The following PRMT2 variants were observed in gnomAD, a reference collection of about 807,000 sequenced individuals.
PRMT2 encodes protein arginine N-methyltransferase 2.
Under a neutral mutation model 57.6 loss-of-function variants are expected in PRMT2, and 26 were observed. The ratio of observed to expected loss-of-function variants is 0.45; its 90% CI spans 0.33 to 0.63. The LOEUF (loss-of-function observed/expected upper bound fraction) is 0.63, where lower values mean the gene tolerates loss of function less well. Ranked by LOEUF, PRMT2 falls within the 20% of genes least tolerant of loss-of-function variation. The pLI, the probability that PRMT2 is intolerant of heterozygous loss-of-function variation, is 0.02. For missense variants in PRMT2, 472 were observed against 564.4 expected, an observed-to-expected ratio of 0.84 and a Z score of 1.66; for synonymous variants, 219 against 220.0, an observed-to-expected ratio of 1.00 and a Z score of 0.04.
intron 7 of PRMT2, chr21:46,652,214 G>T: frequency 7.3e-7 from 1 of 1,368,628 alleles, no homozygotes; most frequent in Non-Finnish European, 9.4e-7. Context: ...AAGAAAAGGA[G>T]GAAACAAAAA....
rs199967510 is a variant in PRMT2 at position 46,663,371 on chromosome 21, C to A, written c.1098-12C>A. 1 of 1,605,770 alleles carries A rather than the reference C, an allele frequency of 6.2e-7. No homozygotes were observed. Among genetic ancestry groups the A allele is most frequent in the East Asian group, 2.2e-5 (1 of 44,642 alleles). On this transcript the variant is annotated splice_polypyrimidine_tract_variant and intron_variant, in intron 10 of 11. Transcript: ENST00000355680. ...GCTCAGCCTCCAGGTCACACGCACC[C>A]CTGTCTTGCAGCACCACACACTGGA... is the stretch of plus-strand genomic sequence containing the variant.
intron 3 of PRMT2, among the ~76,000 whole-genome samples, chr21:46,639,689 AGTGT>A (rs764502507): frequency 2.6e-4 from 38 of 146,408 alleles, no homozygotes; most frequent in Middle Eastern, 3.6e-3. Flanking sequence ...GCTTACATAA[AGTGT>A]GTGTGTGTGT....
At position 46,660,246 on chromosome 21, in the gene PRMT2, T is replaced by TG. The variant is rs1341661168; in HGVS notation, c.831-586dup. 3 of 829,732 alleles carry TG rather than the reference T, an allele frequency of 3.6e-6. No individual in the cohort carries two copies. The Admixed American group carries it at 1.9e-4, about 52-fold the overall frequency. 51.4% of individuals were successfully genotyped at this position (829,732 alleles called of 1,614,324 possible). ...GCCAGTGATGGGGGTTGGCAAACGG[T>TG]GACATGCAGGGGCCATGCGGCGTCT... On this transcript the variant is annotated intron_variant, in intron 8 of 11. Transcript: ENST00000355680.
intron 3 of PRMT2, among the ~76,000 whole-genome samples, chr21:46,641,569 GTA>G (rs2061275178): frequency 6.6e-6 from 1 of 152,134 alleles, no homozygotes; most frequent in Non-Finnish European, 1.5e-5. Flanking sequence ...ACACACGCCT[GTA>G]GTCCCAGCCT....
chr21:46,659,586 C>T (rs897602462), intron 8 of PRMT2: 4 of 966,372 alleles, frequency 4.1e-6, no homozygotes, highest in East Asian at 1.1e-4. Flanking sequence ...AGTTAAAATG[C>T]GAATTAAAAT....
At chr21:46,646,772 C>T (rs1467987234) in intron 5 of PRMT2, among the ~76,000 whole-genome samples, 3 of 152,224 alleles carry the variant, frequency 2.0e-5, no homozygotes, top group East Asian at 3.9e-4. Flanking sequence ...CTTGCCAGTT[C>T]GCCCTCCAGA....
chr21:46,639,272 A>G (rs1363772098), intron 3 of PRMT2, among the ~76,000 whole-genome samples: 2 of 152,148 alleles, frequency 1.3e-5, no homozygotes, highest in Admixed American at 6.5e-5. Context: ...ATCATATGGA[A>G]TATGTTGGTG....
chr21:46,662,615 G>A (rs370162228), intron 10 of PRMT2, among the ~76,000 whole-genome samples: 6 of 152,166 alleles, frequency 3.9e-5, no homozygotes, highest in African/African-American at 1.4e-4. Context: ...CGAGTCTGGG[G>A]GCGTGGAGGG....
At chr21:46,654,256 T>C in intron 7 of PRMT2, 1 of 454,852 alleles carries the variant, frequency 2.2e-6, no homozygotes, top group Middle Eastern at 1.1e-3. Flanking sequence ...ATACATATGA[T>C]CATTAAAAAT....
chr21:46,637,314 A>G (rs1240324077), intron 3 of PRMT2, among the ~76,000 whole-genome samples: 1 of 152,246 alleles, frequency 6.6e-6, no homozygotes, highest in Non-Finnish European at 1.5e-5. Context: ...GCATAATACC[A>G]GCAATATATT....
rs201784550 is a variant in PRMT2 at position 46,644,434 on chromosome 21, C to T, written c.273C>T (p.Tyr91=). Reference sequence around the variant, plus strand: ...ATGTGGGGAAGCACGTGGATGAGTACGACCCCGAGGACACGTGGCAGGATG... The same window carrying T: ...ATGTGGGGAAGCACGTGGATGAGTATGACCCCGAGGACACGTGGCAGGATG... The part of the protein sequence containing the change: ...ANHVGKHVDE[Y]DPEDTWQDEE... Residue 91 remains tyrosine, a synonymous_variant, in exon 5 of 12, where the codon TAC becomes TAT. Transcript: ENST00000355680. 26 of 1,608,744 alleles carry T rather than the reference C, an allele frequency of 1.6e-5. No homozygotes were observed. The highest frequency in any genetic ancestry group is 2.2e-5 in the South Asian group (2 of 90,150).
rs1361295129 is a variant in PRMT2, at chr21:46,636,921, C to A, written c.-31C>A. 1 of 1,600,818 alleles carries A rather than the reference C, an allele frequency of 6.2e-7. No homozygotes were observed. Among genetic ancestry groups the A allele is most frequent in the Admixed American group, 1.7e-5 (1 of 57,200 alleles). Reference sequence around the variant, plus strand: ...AAATGGAAAAGAAAATGAAATAAATCAGCAGTTATGAGGCAGAGCCTAAGA... The same window carrying A: ...AAATGGAAAAGAAAATGAAATAAATAAGCAGTTATGAGGCAGAGCCTAAGA... On this transcript the variant is annotated 5_prime_UTR_variant, in exon 3 of 12. Transcript: ENST00000355680.
At chr21:46,652,155 ACAC>A in intron 7 of PRMT2, 1 of 1,438,278 alleles carries the variant, frequency 7.0e-7, no homozygotes, top group Non-Finnish European at 9.1e-7. Context: ...GCCCTTCTTC[ACAC>A]CATCTGCTAA....
chr21:46,659,398 A>G, intron 8 of PRMT2: 1 of 986,042 alleles, frequency 1.0e-6, no homozygotes, highest in Non-Finnish European at 1.2e-6. Flanking sequence ...GAAATCAGCA[A>G]AAACACGATT....
chr21:46,663,946 T>C (rs1277326415), intron 11 of PRMT2, among the ~76,000 whole-genome samples: 2 of 152,166 alleles, frequency 1.3e-5, no homozygotes, highest in Admixed American at 6.5e-5. Context: ...TCTAGGCGTG[T>C]CGTCTGTGAT....
At chr21:46,658,972 C>A (rs1455450639) in intron 8 of PRMT2, 52 bp downstream of exon 8, 8 of 1,578,770 alleles carry the variant, frequency 5.1e-6, no homozygotes, top group Non-Finnish European at 6.9e-6. Flanking sequence ...TCCTGGTCCA[C>A]AGTCTGCAGG....
chr21:46,640,464 C>T (rs1232350632), intron 3 of PRMT2, among the ~76,000 whole-genome samples: 34 of 128,560 alleles, frequency 2.6e-4, no homozygotes, highest in African/African-American at 8.7e-4. Flanking sequence ...TTTTTTGAGA[C>T]GGAGTCTCGC....
rs1353316432 is a variant in PRMT2 at position 46,649,802 on chromosome 21, C to T, written c.654+63C>T. The T allele has an allele frequency of 6.4e-7, 1 of 1,570,790 alleles. No homozygotes were observed. Among genetic ancestry groups the T allele is most frequent in the Admixed American group, 1.9e-5 (1 of 52,810 alleles). The stretch of plus-strand genomic sequence containing the variant: ...GGGGGGCTTCTGAGCACGGGCTCGG[C>T]TGGGCCAACCTCAGGATCTCAAGGG... On this transcript the variant is annotated intron_variant, in intron 7 of 11. Coordinates refer to ENST00000355680, the MANE Select transcript of PRMT2 (RefSeq NM_206962.4). This position sits in a 1 kb window ranked among gnomAD's most constrained non-coding sequence, Gnocchi z 4.8.
At chr21:46,640,603 G>A (rs1334555666) in intron 3 of PRMT2, among the ~76,000 whole-genome samples, 2 of 151,630 alleles carry the variant, frequency 1.3e-5, no homozygotes, top group African/African-American at 2.4e-5. Flanking sequence ...CACCACGCCC[G>A]GCTAATTTTT....
Sources: allele counts gnomAD v4.1 joint callset (sites outside exome capture counted in the v4.1 genomes callset), GRCh38; gene constraint gnomAD v4.1.1; non-coding constraint Gnocchi (gnomAD v3.1); transcripts MANE v1.5; gene names NCBI Gene and HGNC (gene_info 2026-07-23, HGNC 2026-07-21).